Variants in ALG5 observed in about 807,000 individuals in gnomAD.
The protein encoded by ALG5 is ALG5 dolichyl-phosphate beta-glucosyltransferase.
ALG5 carries 26 observed loss-of-function variants against 51.8 expected under a neutral mutation model. That is an observed-to-expected ratio of 0.50 (90% CI 0.37 to 0.70). The LOEUF (loss-of-function observed/expected upper bound fraction) is 0.70, where lower values mean the gene tolerates loss of function less well. Among genes scored for constraint, ALG5 ranks in the 30% least tolerant of loss-of-function variants. The probability of loss-of-function intolerance (pLI) is 0.00; values close to 1 mark genes in which losing one functional copy is unlikely to be tolerated. For synonymous variants in ALG5, 141 were observed against 136.1 expected (o/e 1.04, Z -0.25); for missense variants, 311 against 399.3 (o/e 0.78, Z 1.88).
intron 7 of ALG5, among the ~76,000 whole-genome samples, chr13:36,968,779 C>T (rs4943438): frequency 0.34 from 51,480 of 152,108 alleles, 10,175 homozygotes; most frequent in East Asian, 0.72. Flanking sequence ...TGACAGCACA[C>T]GAAGGGAAAT....
intron 8 of ALG5, among the ~76,000 whole-genome samples, chr13:36,957,911 G>A (rs190944746): frequency 6.6e-6 from 1 of 152,122 alleles, no homozygotes; most frequent in Admixed American, 6.6e-5. Context: ...GATACATCCT[G>A]GGAAGGACTC....
At chr13:36,964,638 A>G (rs2058883946) in intron 8 of ALG5, among the ~76,000 whole-genome samples, 2 of 152,166 alleles carry the variant, frequency 1.3e-5, no homozygotes, top group Non-Finnish European at 2.9e-5. Flanking sequence ...AGAGGTGGCT[A>G]GATGTTAAGA....
intron 8 of ALG5, among the ~76,000 whole-genome samples, chr13:36,955,467 G>A (rs2058835312): frequency 6.6e-6 from 1 of 151,538 alleles, no homozygotes; most frequent in Non-Finnish European, 1.5e-5. Context: ...ACAAGAATAG[G>A]TTTTTTAAAA....
At chr13:36,975,578 C>T (rs1482202225) in intron 6 of ALG5, among the ~76,000 whole-genome samples, 2 of 152,124 alleles carry the variant, frequency 1.3e-5, no homozygotes, top group Non-Finnish European at 2.9e-5. Flanking sequence ...GACTATTTGC[C>T]TATTTGTTGT....
At chr13:36,960,791 A>ACCAC in intron 8 of ALG5, among the ~76,000 whole-genome samples, 1 of 151,296 alleles carries the variant, frequency 6.6e-6, no homozygotes, top group East Asian at 2.0e-4. Flanking sequence ...ACAGGTGCCC[A>ACCAC]CCACCATGCC....
chr13:36,968,518 T>C (rs1199560410), intron 7 of ALG5, among the ~76,000 whole-genome samples: 1 of 152,322 alleles, frequency 6.6e-6, no homozygotes, highest in African/African-American at 2.4e-5. Context: ...ACATTACCGT[T>C]ATACAGAACA....
intron 5 of ALG5, among the ~76,000 whole-genome samples, chr13:36,988,267 T>A (rs939870764): frequency 1.3e-5 from 2 of 152,224 alleles, no homozygotes; most frequent in African/African-American, 2.4e-5. Context: ...ACAGAATAGG[T>A]GTCTTTCATC....
intron 3 of ALG5, among the ~76,000 whole-genome samples, chr13:36,994,221 G>T (rs994962813): frequency 6.6e-6 from 1 of 152,138 alleles, no homozygotes; most frequent in African/African-American, 2.4e-5. Context: ...TCTCTAAATT[G>T]AATGTTTGAA....
rs146893615 is a variant in ALG5 at position 36,987,483 on chromosome 13, G to A, written c.448-1743C>T. Among the ~76,000 whole-genome samples, 25 of 152,264 alleles carry A rather than the reference G, an allele frequency of 1.6e-4. No homozygotes were observed. The East Asian group carries it at 4.6e-3, about 28-fold the overall frequency. On this transcript the variant is annotated intron_variant, in intron 5 of 9. Coordinates refer to ENST00000239891, the MANE Select transcript of ALG5 (RefSeq NM_013338.5). ...AGTGAGCAAGTTTTCATGAGATCTG[G>A]TTGTCTAAAAGTGTGTGGCACCACC... is the stretch of plus-strand genomic sequence containing the variant.
chr13:36,961,692 T>A (rs940736885), intron 8 of ALG5, among the ~76,000 whole-genome samples: 3 of 152,200 alleles, frequency 2.0e-5, no homozygotes, highest in Non-Finnish European at 4.4e-5. Flanking sequence ...CTATTTTTGT[T>A]TTTAACATAC....
intron 6 of ALG5, among the ~76,000 whole-genome samples, chr13:36,977,153 TCTCA>T (rs2058955814): frequency 6.6e-6 from 1 of 152,216 alleles, no homozygotes; most frequent in Non-Finnish European, 1.5e-5. Flanking sequence ...CTGATACCAA[TCTCA>T]CTATCAGGTA....
intron 6 of ALG5, among the ~76,000 whole-genome samples, chr13:36,972,730 C>T (rs1044847574): frequency 2.6e-5 from 4 of 152,118 alleles, no homozygotes; most frequent in Non-Finnish European, 4.4e-5. Context: ...TGGTGGCTCA[C>T]GCCTGTAATC....
chr13:36,983,312 A>G (rs576718002), intron 6 of ALG5, among the ~76,000 whole-genome samples: 2 of 152,376 alleles, frequency 1.3e-5, no homozygotes, highest in Non-Finnish European at 1.5e-5. Context: ...AACTTTATGA[A>G]TGAGATTTTC....
At chr13:36,957,341 G>T (rs1196909232) in intron 8 of ALG5, among the ~76,000 whole-genome samples, 1 of 151,500 alleles carries the variant, frequency 6.6e-6, no homozygotes, top group Non-Finnish European at 1.5e-5. Flanking sequence ...ACTCTCACTG[G>T]TTGGGCGGAG....
At chr13:36,968,326 T>C (rs761763626) in intron 7 of ALG5, among the ~76,000 whole-genome samples, 1 of 152,174 alleles carries the variant, frequency 6.6e-6, no homozygotes. Context: ...AAGAAATTAA[T>C]TCAGGTGAAA....
chr13:36,994,142 G>A (rs2059038296), intron 3 of ALG5, among the ~76,000 whole-genome samples: 1 of 152,152 alleles, frequency 6.6e-6, no homozygotes, highest in Admixed American at 6.5e-5. Context: ...TGTGGCTGGT[G>A]TGAAGATTAC....
At chr13:36,976,733 C>T (rs566599773) in intron 6 of ALG5, among the ~76,000 whole-genome samples, 89 of 137,188 alleles carry the variant, frequency 6.5e-4, no homozygotes, top group Middle Eastern at 7.1e-3. Flanking sequence ...GGGCAACAGA[C>T]CGAGACTCTG....
At chr13:36,997,652 G>A (rs935761628) in intron 1 of ALG5, among the ~76,000 whole-genome samples, 18 of 151,932 alleles carry the variant, frequency 1.2e-4, no homozygotes, top group Non-Finnish European at 2.2e-4. Flanking sequence ...GAACTGAGGG[G>A]GCATTTGAAA....
chr13:36,989,372 T>C (rs1437135044), intron 5 of ALG5, 112 bp downstream of exon 5: 2 of 713,194 alleles, frequency 2.8e-6, no homozygotes, highest in African/African-American at 3.6e-5. Flanking sequence ...AATTATGTTA[T>C]CACTAACTTG....
Sources: allele counts gnomAD v4.1 joint callset (sites outside exome capture counted in the v4.1 genomes callset), GRCh38; gene constraint gnomAD v4.1.1; transcripts MANE v1.5; gene names NCBI Gene and HGNC (gene_info 2026-07-23, HGNC 2026-07-21).